Variants in TUSC3 observed in about 807,000 individuals in gnomAD.
TUSC3 encodes the protein tumor suppressor candidate 3, also known as dolichyl-diphosphooligosaccharide--protein glycosyltransferase subunit TUSC3.
TUSC3 carries 45 observed loss-of-function variants against 44.8 expected under a neutral mutation model. The ratio of observed to expected loss-of-function variants is 1.00; its 90% CI spans 0.79 to 1.29. The LOEUF (loss-of-function observed/expected upper bound fraction) is 1.29, where lower values mean the gene tolerates loss of function less well. TUSC3 is among the 50% of genes most tolerant of loss of function. TUSC3 has a pLI of 0.00. For missense variants in TUSC3, 519 were observed against 437.9 expected (o/e 1.19, Z -1.65); for synonymous variants, 212 against 152.9 (o/e 1.39, Z -2.85).
chr8:15,583,415 C>G lies in TUSC3; in HGVS notation c.139-39665C>G, dbSNP rs573614032. Among the ~76,000 whole-genome samples, 6 of 152,202 alleles carry G rather than the reference C, an allele frequency of 3.9e-5. 1 individual carries two copies. Among genetic ancestry groups the G allele is most frequent in the Non-Finnish European group, 7.4e-5 (5 of 68,018 alleles). ...GGTGATGGTAAAAGTGAAAATCCTG[C>G]TACATGAGGATTACTGGAAGTAATT... On this transcript the variant is annotated intron_variant, in intron 1 of 10. Transcript: ENST00000503731.
At chr8:15,452,841 C>T (rs967131031) in intron 1 of TUSC3, among the ~76,000 whole-genome samples, 3 of 152,152 alleles carry the variant, frequency 2.0e-5, no homozygotes, top group African/African-American at 7.2e-5. Flanking sequence ...TTACAGTAAG[C>T]TCCTCTTGTG....
At chr8:15,816,811 G>C in the TUSC3 span, among the ~76,000 whole-genome samples, 1 of 152,154 alleles carries the variant, frequency 6.6e-6, no homozygotes, top group Non-Finnish European at 1.5e-5. Context: ...TACAATGTAA[G>C]TAACTTCCAA....
At chr8:15,716,970 T>G (rs1810084088) in intron 6 of TUSC3, among the ~76,000 whole-genome samples, 1 of 152,120 alleles carries the variant, frequency 6.6e-6, no homozygotes, top group South Asian at 2.1e-4. Context: ...CTGTAGGGTT[T>G]AAATGTATTG....
the TUSC3 span, among the ~76,000 whole-genome samples, chr8:15,801,110 TG>T: frequency 6.6e-6 from 1 of 152,158 alleles, no homozygotes; most frequent in African/African-American, 2.4e-5. Flanking sequence ...AATAAAAGAA[TG>T]GCTACTCCAT....
At chr8:15,821,868 T>C in the TUSC3 span, among the ~76,000 whole-genome samples, 1 of 152,194 alleles carries the variant, frequency 6.6e-6, no homozygotes, top group Non-Finnish European at 1.5e-5. Context: ...TGCAACTAAA[T>C]TCCCAAATTC....
chr8:15,814,803 T>C, the TUSC3 span, among the ~76,000 whole-genome samples: 3 of 152,170 alleles, frequency 2.0e-5, no homozygotes, highest in Non-Finnish European at 2.9e-5. Context: ...TGCACAAAAA[T>C]ATTCATGAAT....
At chr8:15,708,385 T>C (rs1039823043) in intron 6 of TUSC3, among the ~76,000 whole-genome samples, 3 of 151,890 alleles carry the variant, frequency 2.0e-5, no homozygotes, top group Non-Finnish European at 4.4e-5. Context: ...CTGTAAACCT[T>C]TGAGGTGCAT....
chr8:15,589,566 G>C lies in TUSC3; in HGVS notation c.139-33514G>C, dbSNP rs375014014. Among the ~76,000 whole-genome samples, 30 of 152,170 alleles carry C rather than the reference G, an allele frequency of 2.0e-4. No homozygotes were observed. The East Asian group carries it at 5.0e-3, about 25-fold the overall frequency. On this transcript the variant is annotated intron_variant, in intron 1 of 10. Coordinates refer to ENST00000503731, the MANE Select transcript of TUSC3 (RefSeq NM_006765.4). The stretch of plus-strand genomic sequence containing the variant: ...TTAATGTTAAATTTGCCTTGAGATA[G>C]ACAATTAGCTTGCTGCCACATTGGA...
At chr8:15,458,411 G>A (rs915658121) in intron 1 of TUSC3, among the ~76,000 whole-genome samples, 24 of 151,958 alleles carry the variant, frequency 1.6e-4, no homozygotes, top group Non-Finnish European at 1.0e-4. Flanking sequence ...GATAATTGTT[G>A]TACTTTTTGT....
At chr8:15,775,748 CTATATATATA>C in the TUSC3 span, among the ~76,000 whole-genome samples, 3,573 of 138,868 alleles carry the variant, frequency 0.026, 148 homozygotes, top group African/African-American at 0.09. Context: ...ATATATTACA[CTATATATATA>C]TATATATATA....
rs114717564 is a variant in TUSC3 at position 15,687,585 on chromosome 8, A to G, written c.798+13749A>G. ...TTTTTAGTGTCACCATTTAAACTAC[A>G]TGCATTCTTGATCCTAACGTCTGAC... On this transcript the variant is annotated intron_variant, in intron 6 of 10. Transcript: ENST00000503731. Among the ~76,000 whole-genome samples the G allele has an allele frequency of 4.1e-3, 623 of 152,256 alleles. 4 individuals carry two copies. Among genetic ancestry groups the G allele is most frequent in the African/African-American group, 0.014 (587 of 41,548 alleles).
intron 2 of TUSC3, among the ~76,000 whole-genome samples, chr8:15,624,294 G>T (rs575074030): frequency 3.9e-5 from 6 of 152,156 alleles, no homozygotes; most frequent in Non-Finnish European, 8.8e-5. Context: ...TTTTCTGCAG[G>T]TTTTTATGTG....
At chr8:15,621,827 T>G (rs761375663) in intron 1 of TUSC3, among the ~76,000 whole-genome samples, 1 of 152,008 alleles carries the variant, frequency 6.6e-6, no homozygotes, top group South Asian at 2.1e-4. Flanking sequence ...TTCTTTTTCA[T>G]ACAGTTAGCA....
At chr8:15,788,657 G>GTC in the TUSC3 span, among the ~76,000 whole-genome samples, 6 of 152,152 alleles carry the variant, frequency 3.9e-5, no homozygotes, top group African/African-American at 1.4e-4. Flanking sequence ...AAACATAAAG[G>GTC]AAGAGTACTA....
intron 10 of TUSC3, among the ~76,000 whole-genome samples, chr8:15,762,552 T>C (rs146798409): frequency 2.0e-3 from 305 of 152,226 alleles, no homozygotes; most frequent in African/African-American, 7.1e-3. Context: ...TTTACAGGGG[T>C]AATATCGTTA....
At chr8:15,672,193 AG>A (rs1469635370) in intron 5 of TUSC3, among the ~76,000 whole-genome samples, 1 of 151,984 alleles carries the variant, frequency 6.6e-6, no homozygotes, top group Non-Finnish European at 1.5e-5. Flanking sequence ...CTATTTAAGG[AG>A]TATGGGAGCA....
intron 3 of TUSC3, among the ~76,000 whole-genome samples, chr8:15,654,038 G>A (rs1344461951): frequency 2.0e-5 from 3 of 152,166 alleles, no homozygotes; most frequent in Non-Finnish European, 4.4e-5. Context: ...TCTCATCCAG[G>A]AAACAGGTCT....
intron 1 of TUSC3, among the ~76,000 whole-genome samples, chr8:15,431,734 C>T (rs540395060): frequency 6.6e-6 from 1 of 151,566 alleles, no homozygotes; most frequent in East Asian, 2.0e-4. Context: ...GCAACTTTGT[C>T]TTCCTCCTAA....
intron 2 of TUSC3, among the ~76,000 whole-genome samples, chr8:15,633,184 T>C (rs1312283808): frequency 2.0e-5 from 3 of 152,180 alleles, no homozygotes; most frequent in African/African-American, 7.2e-5. Flanking sequence ...ACGTGTTTTC[T>C]TCTCTCTTTC....
Sources: allele counts gnomAD v4.1 joint callset (sites outside exome capture counted in the v4.1 genomes callset), GRCh38; gene constraint gnomAD v4.1.1; transcripts MANE v1.5; gene names NCBI Gene and HGNC (gene_info 2026-07-23, HGNC 2026-07-21).